The following TMEM178B variants were observed in gnomAD, a reference collection of about 807,000 sequenced individuals.
The protein encoded by TMEM178B is transmembrane protein 178B.
TMEM178B carries 5 observed loss-of-function variants against 31.0 expected under a neutral mutation model. The ratio of observed to expected loss-of-function variants is 0.16; its 90% CI spans 0.08 to 0.34. The LOEUF is 0.34. Among genes scored for constraint, TMEM178B ranks in the 10% least tolerant of loss-of-function variants. The pLI is 1.00. For synonymous variants in TMEM178B, 164 were observed against 164.0 expected, an observed-to-expected ratio of 1.00 and a Z score of 0.00; for missense variants, 275 against 400.3, an observed-to-expected ratio of 0.69 and a Z score of 2.67.
intron 1 of TMEM178B, among the ~76,000 whole-genome samples, chr7:141,157,727 C>A (rs1195845927): frequency 6.6e-6 from 1 of 152,174 alleles, no homozygotes; most frequent in Non-Finnish European, 1.5e-5. Context: ...ACTGTGAGTT[C>A]CGAGCGAGGT....
At chr7:141,301,484 G>A (rs1798725478) in intron 2 of TMEM178B, among the ~76,000 whole-genome samples, 1 of 152,014 alleles carries the variant, frequency 6.6e-6, no homozygotes, top group African/African-American at 2.4e-5. Context: ...TCTTGTAGGA[G>A]ATAATGAGTA....
intron 2 of TMEM178B, chr7:141,414,735 TAA>T (rs1241642262): frequency 1.3e-5 from 2 of 152,354 alleles, no homozygotes; most frequent in Non-Finnish European, 2.9e-5. Context: ...ACAAATACAC[TAA>T]GTTATTATAA....
At chr7:141,285,984 C>T (rs1798441904) in intron 2 of TMEM178B, among the ~76,000 whole-genome samples, 1 of 152,038 alleles carries the variant, frequency 6.6e-6, no homozygotes. Flanking sequence ...GGAGAAATAC[C>T]TAATGTAGAT....
At chr7:141,371,271 A>G (rs1275414034) in intron 2 of TMEM178B, among the ~76,000 whole-genome samples, 1 of 151,732 alleles carries the variant, frequency 6.6e-6, no homozygotes, top group African/African-American at 2.4e-5. Context: ...TTCTCACTCT[A>G]TTAGTTCCCT....
intron 1 of TMEM178B, among the ~76,000 whole-genome samples, chr7:141,211,267 T>C (rs761993387): frequency 1.3e-5 from 2 of 152,184 alleles, no homozygotes; most frequent in African/African-American, 2.4e-5. Context: ...TGCATACTAC[T>C]CTCTAGAACG....
At chr7:141,364,355 A>T (rs541773041) in intron 2 of TMEM178B, among the ~76,000 whole-genome samples, 1 of 152,280 alleles carries the variant, frequency 6.6e-6, no homozygotes, top group South Asian at 2.1e-4. Flanking sequence ...GTTCCCAAGT[A>T]TTAGGAACAC....
At chr7:141,117,611 A>G (rs191424444) in intron 1 of TMEM178B, among the ~76,000 whole-genome samples, 49 of 152,222 alleles carry the variant, frequency 3.2e-4, no homozygotes, top group African/African-American at 9.9e-4. Context: ...GGTATTGCCT[A>G]GGTTTTCTTC....
chr7:141,124,137 T>TG (rs1202121289), intron 1 of TMEM178B, among the ~76,000 whole-genome samples: 2 of 152,054 alleles, frequency 1.3e-5, no homozygotes, highest in African/African-American at 4.8e-5. Context: ...GAGGCCGAGG[T>TG]GGGCAGATCA....
intron 2 of TMEM178B, among the ~76,000 whole-genome samples, chr7:141,224,538 G>A (rs1051688497): frequency 6.6e-6 from 1 of 152,212 alleles, no homozygotes; most frequent in East Asian, 1.9e-4. Flanking sequence ...GCTCTCAGCA[G>A]CCCCAATCCC....
At chr7:141,215,343 T>TTTTTTTTTG (rs1797115412) in intron 2 of TMEM178B, among the ~76,000 whole-genome samples, 2 of 91,306 alleles carry the variant, frequency 2.2e-5, no homozygotes, top group Non-Finnish European at 6.7e-5. Flanking sequence ...TATTATTTTT[T>TTTTTTTTTG]GAGATGGAGT....
At chr7:141,313,028 G>A (rs1798940489) in intron 2 of TMEM178B, among the ~76,000 whole-genome samples, 2 of 152,204 alleles carry the variant, frequency 1.3e-5, no homozygotes, top group African/African-American at 4.8e-5. Context: ...GTAGGTCTCA[G>A]CCTTATTTTA....
chr7:141,509,330 G>A, the TMEM178B span, among the ~76,000 whole-genome samples: 1 of 151,946 alleles, frequency 6.6e-6, no homozygotes, highest in African/African-American at 2.4e-5. Flanking sequence ...AGAAGAACAA[G>A]TGAACAAAGA....
rs1274568509 is a variant in TMEM178B, at chr7:141,318,594, C to T, written c.496+105890C>T. Among the ~76,000 whole-genome samples, 1 of 152,170 alleles carries T rather than the reference C, an allele frequency of 6.6e-6. No homozygotes were observed. The highest frequency in any genetic ancestry group is 2.4e-5 in the African/African-American group (1 of 41,442). ...AAAATATTCCTCATCTCTTCAAACC[C>T]GTGCTGTGTTGCCCAGTTGTTTGAT... On this transcript the variant is annotated intron_variant, in intron 2 of 3. Transcript: ENST00000565468. This position sits in a 1 kb window ranked among gnomAD's most constrained non-coding sequence, Gnocchi z 4.1.
chr7:141,267,616 G>A (rs1341866703), intron 2 of TMEM178B, among the ~76,000 whole-genome samples: 1 of 152,252 alleles, frequency 6.6e-6, no homozygotes, highest in Non-Finnish European at 1.5e-5. Context: ...ACCAAGCCAT[G>A]TCTGCAGAGA....
chr7:141,239,067 T>C (rs936854451), intron 2 of TMEM178B, among the ~76,000 whole-genome samples: 15 of 152,144 alleles, frequency 9.9e-5, no homozygotes, highest in African/African-American at 3.4e-4. Context: ...TTTTTTTTGT[T>C]GTTGTTGTTG....
At chr7:141,260,159 G>A (rs1797989412) in intron 2 of TMEM178B, among the ~76,000 whole-genome samples, 1 of 152,092 alleles carries the variant, frequency 6.6e-6, no homozygotes. Context: ...CACCGAGATT[G>A]CTACTGTTTA....
intron 1 of TMEM178B, among the ~76,000 whole-genome samples, chr7:141,082,673 AC>A (rs1794705594): frequency 6.6e-6 from 1 of 152,236 alleles, no homozygotes; most frequent in Non-Finnish European, 1.5e-5. Flanking sequence ...TGTTTTGAGC[AC>A]CTGCTGTGTG....
chr7:141,442,171 C>A (rs1005767551), intron 3 of TMEM178B, among the ~76,000 whole-genome samples: 1 of 152,168 alleles, frequency 6.6e-6, no homozygotes, highest in East Asian at 1.9e-4. Context: ...GGATACGGAT[C>A]CCCAAGATGA....
chr7:141,376,237 A>G (rs961314841), intron 2 of TMEM178B, among the ~76,000 whole-genome samples: 4 of 152,238 alleles, frequency 2.6e-5, no homozygotes, highest in African/African-American at 9.6e-5. Flanking sequence ...AATAAGAAGA[A>G]GAATTTAAAA....
Sources: gnomAD v4.1 joint callset for allele counts (sites outside exome capture counted in the v4.1 genomes callset) on GRCh38, gnomAD v4.1.1 for gene constraint, Gnocchi (gnomAD v3.1) non-coding constraint, MANE v1.5 for transcripts, NCBI Gene and HGNC (gene_info 2026-07-23, HGNC 2026-07-21) for gene names.